The following CHLSN variants were observed in gnomAD, a reference collection of about 807,000 sequenced individuals.
CHLSN encodes the protein protein cholesin.
the CHLSN span, among the ~76,000 whole-genome samples, chr7:1,100,462 C>A: frequency 9.6e-4 from 147 of 152,358 alleles, no homozygotes; most frequent in African/African-American, 3.1e-3. Context: ...CTGAGGCGTG[C>A]GGCCCATCTC....
the CHLSN span, among the ~76,000 whole-genome samples, chr7:1,072,676 C>CT: frequency 0.075 from 8,263 of 109,942 alleles, 657 homozygotes; most frequent in African/African-American, 0.2. Context: ...CTTTTCTTTC[C>CT]TTTTTTTTTT....
the CHLSN span, among the ~76,000 whole-genome samples, chr7:1,094,144 AGCTCTGCGGCACCCAAGC>A: frequency 6.6e-6 from 1 of 152,156 alleles, no homozygotes; most frequent in Non-Finnish European, 1.5e-5. Flanking sequence ...GAGGCCCAAG[AGCTCTGCGGCACCCAAGC>A]GCTCCTGGAG....
At chr7:1,031,083 C>T in the CHLSN span, among the ~76,000 whole-genome samples, 3 of 152,160 alleles carry the variant, frequency 2.0e-5, no homozygotes, top group African/African-American at 7.2e-5. Context: ...GAGCCCCCTC[C>T]CCCAGCAGGT....
chr7:1,124,476 G>A, the CHLSN span, among the ~76,000 whole-genome samples: 1 of 149,204 alleles, frequency 6.7e-6, no homozygotes, highest in African/African-American at 2.5e-5. Flanking sequence ...AGCAGCTCTC[G>A]GGAAACCAGC....
chr7:1,105,410 G>C, the CHLSN span, among the ~76,000 whole-genome samples: 7,091 of 152,310 alleles, frequency 0.047, 228 homozygotes, highest in Middle Eastern at 0.1. Flanking sequence ...AGGTGCTTGA[G>C]AACAACAGGG....
At chr7:1,011,183 C>G in the CHLSN span, among the ~76,000 whole-genome samples, 1 of 139,556 alleles carries the variant, frequency 7.2e-6, no homozygotes, top group African/African-American at 2.6e-5. Context: ...CATACACCCA[C>G]ACTCACCCAC....
At chr7:1,137,347 C>T in the CHLSN span, 4 of 152,610 alleles carry the variant, frequency 2.6e-5, no homozygotes, top group African/African-American at 7.2e-5. Context: ...GTTCATCTGT[C>T]TCTCCCCTCC....
At chr7:1,039,416 G>A in the CHLSN span, among the ~76,000 whole-genome samples, 1 of 89,584 alleles carries the variant, frequency 1.1e-5, no homozygotes, top group Non-Finnish European at 2.4e-5. Context: ...AGGGAGGTGG[G>A]GGGGGGGGTC....
chr7:1,016,385 GCACACGCCAGCA>G, the CHLSN span, among the ~76,000 whole-genome samples: 38 of 86,364 alleles, frequency 4.4e-4, no homozygotes, highest in Non-Finnish European at 7.1e-4. Flanking sequence ...GCACACAGCA[GCACACGCCAGCA>G]CACAGCAGCA....
chr7:1,030,263 AT>A, the CHLSN span, among the ~76,000 whole-genome samples: 1 of 152,090 alleles, frequency 6.6e-6, no homozygotes, highest in Non-Finnish European at 1.5e-5. Context: ...TCCTGCTCAT[AT>A]GCCGTCTTCA....
At chr7:1,127,949 CCT>C in the CHLSN span, among the ~76,000 whole-genome samples, 39 of 34,270 alleles carry the variant, frequency 1.1e-3, 2 homozygotes, top group South Asian at 7.0e-3. Flanking sequence ...CTCATCCCAC[CCT>C]GTCACCCGGG....
the CHLSN span, among the ~76,000 whole-genome samples, chr7:1,073,272 C>T: frequency 2.0e-5 from 3 of 152,158 alleles, no homozygotes; most frequent in Non-Finnish European, 2.9e-5. Context: ...CAGAGGGCAG[C>T]GGAAGGGAAG....
At chr7:1,028,373 T>TGCCCGGCCG in the CHLSN span, 11 of 988,282 alleles carry the variant, frequency 1.1e-5, no homozygotes, top group East Asian at 1.1e-4. Flanking sequence ...ACACTGCGCA[T>TGCCCGGCCG]GCCCGGCCGG....
chr7:1,039,056 G>T, the CHLSN span, among the ~76,000 whole-genome samples: 1 of 82,814 alleles, frequency 1.2e-5, no homozygotes, highest in East Asian at 3.6e-4. Flanking sequence ...CGGGAGGGAG[G>T]TGGGGGGGGT....
chr7:992,123 G>A, the CHLSN span, among the ~76,000 whole-genome samples: 33 of 152,286 alleles, frequency 2.2e-4, 1 homozygote, highest in African/African-American at 7.5e-4. Context: ...GGCTCACGAC[G>A]TGGCTGAACT....
the CHLSN span, among the ~76,000 whole-genome samples, chr7:1,033,906 G>C: frequency 2.0e-5 from 3 of 152,232 alleles, no homozygotes; most frequent in Non-Finnish European, 4.4e-5. Context: ...GCCAGGAGCA[G>C]GGCAAGGGTG....
the CHLSN span, chr7:984,616 G>A: frequency 1.3e-6 from 2 of 1,535,264 alleles, no homozygotes; most frequent in Non-Finnish European, 1.7e-6. Flanking sequence ...TGGGTGTGGG[G>A]GCACCTGGAC....
chr7:988,624 A>T, the CHLSN span: 1 of 1,602,696 alleles, frequency 6.2e-7, no homozygotes, highest in Non-Finnish European at 8.5e-7. Flanking sequence ...GTGCCTGGAC[A>T]TCCCCCGCAG....
the CHLSN span, among the ~76,000 whole-genome samples, chr7:1,088,808 CA>C: frequency 6.6e-6 from 1 of 152,078 alleles, no homozygotes; most frequent in Non-Finnish European, 1.5e-5. The surrounding 1 kb of genome is among the most constrained non-coding windows in gnomAD (Gnocchi z 4.5). Flanking sequence ...TTTATAACTC[CA>C]TGGCCACCTC....
Sources: gnomAD v4.1 joint callset for allele counts (sites outside exome capture counted in the v4.1 genomes callset) on GRCh38, gnomAD v4.1.1 for gene constraint, Gnocchi (gnomAD v3.1) non-coding constraint, MANE v1.5 for transcripts, NCBI Gene and HGNC (gene_info 2026-07-23, HGNC 2026-07-21) for gene names.